OR1D2: variants seen among roughly 807,000 people sequenced by gnomAD.
OR1D2 encodes the protein olfactory receptor 1D2.
For synonymous variants in OR1D2, 157 were observed against 153.9 expected, an observed-to-expected ratio of 1.02 and a Z score of -0.15; for missense variants, 357 against 376.1, an observed-to-expected ratio of 0.95 and a Z score of 0.42.
chr17:3,093,125 A>G (rs2047826136), intron 1 of OR1D2, 79 bp from the exon 2 acceptor site: 10 of 861,176 alleles, frequency 1.2e-5, no homozygotes, highest in Non-Finnish European at 1.8e-5. Flanking sequence ...CAATTTTATA[A>G]TTTTTGAAAA....
At chr17:3,101,732 C>A (rs1371404278) in intron 1 of OR1D2, among the ~76,000 whole-genome samples, 1 of 152,130 alleles carries the variant, frequency 6.6e-6, no homozygotes, top group East Asian at 1.9e-4. Context: ...GTCGAATTGT[C>A]TGTTTGCTGA....
chr17:3,092,322 G>A lies in OR1D2; in HGVS notation c.675C>T (p.Ile225=). 1 of 1,614,214 alleles carries A rather than the reference G, an allele frequency of 6.2e-7. No homozygotes were observed. Among genetic ancestry groups the A allele is most frequent in the Non-Finnish European group, 8.5e-7 (1 of 1,180,046 alleles). The change falls in exon 2 of 2, where the codon ATC becomes ATT. Residue 225 remains isoleucine, a synonymous_variant. Coordinates refer to ENST00000641833, the MANE Select transcript of OR1D2 (RefSeq NM_002548.3). ...TCTTAGAGACTGAGGGTATTCTGAG[G>A]ATGGCTCTGATAATCAGCACATAGG... ...IISYVLIIRA[I]LRIPSVSKKY... is the part of the protein sequence containing the mutation.
rs764544852 is a variant in OR1D2, at chr17:3,092,823, G to A, written c.174C>T (p.Pro58=). 39 of 1,613,920 alleles carry A rather than the reference G, an allele frequency of 2.4e-5. No individual in the cohort carries two copies. The highest frequency in any genetic ancestry group is 3.3e-5 in the Admixed American group (2 of 60,000). The change falls in exon 2 of 2, where the codon CCC becomes CCT. Residue 58 remains proline, a synonymous_variant. Coordinates refer to ENST00000641833, the MANE Select transcript of OR1D2 (RefSeq NM_002548.3). Reference sequence around the variant, plus strand: ...AGAGGTTGGCCAGGAAGAAGTACACGGGGGTGTGCAGGCGGGAATCAGAGC... The same window carrying A: ...AGAGGTTGGCCAGGAAGAAGTACACAGGGGTGTGCAGGCGGGAATCAGAGC... ...AISSDSRLHT[P]VYFFLANLSF...
intron 1 of OR1D2, among the ~76,000 whole-genome samples, chr17:3,103,023 G>C (rs1187594627): frequency 6.6e-6 from 1 of 152,128 alleles, no homozygotes; most frequent in African/African-American, 2.4e-5. Context: ...TGGTGCAACT[G>C]CAGGGGAGAC....
chr17:3,101,725 G>A (rs148602102), intron 1 of OR1D2, among the ~76,000 whole-genome samples: 2,238 of 152,234 alleles, frequency 0.015, 54 homozygotes, highest in African/African-American at 0.051. Flanking sequence ...AGAGGAAGTC[G>A]AATTGTCTGT....
At chr17:3,094,046 A>G (rs531650434) in intron 1 of OR1D2, among the ~76,000 whole-genome samples, 2 of 152,350 alleles carry the variant, frequency 1.3e-5, no homozygotes, top group East Asian at 3.9e-4. Flanking sequence ...TAAGAATTCT[A>G]AAGCAATATG....
chr17:3,093,103 A>C, intron 1 of OR1D2, 57 bp from the exon 2 acceptor site: 1 of 1,025,040 alleles, frequency 9.8e-7, no homozygotes, highest in African/African-American at 1.6e-5. Context: ...AGAATTAAGA[A>C]TGTCTTACAC....
At chr17:3,099,181 C>T (rs909042366) in intron 1 of OR1D2, among the ~76,000 whole-genome samples, 5 of 152,018 alleles carry the variant, frequency 3.3e-5, no homozygotes, top group African/African-American at 1.2e-4. Flanking sequence ...CAGAGAACAC[C>T]ACTAAAATAC....
rs553592073 is a variant in OR1D2 at position 3,088,792 on chromosome 17, C to A, written c.*3266G>T. Reference sequence around the variant, plus strand: ...GGCCCAGGGCGTGGTGACAGGCTGTCTGCCTTTAGATTTCATTTCTGCCTT... The same window carrying A: ...GGCCCAGGGCGTGGTGACAGGCTGTATGCCTTTAGATTTCATTTCTGCCTT... On this transcript the variant is annotated 3_prime_UTR_variant, in exon 2 of 2. Coordinates refer to ENST00000641833, the MANE Select transcript of OR1D2 (RefSeq NM_002548.3). The A allele has an allele frequency of 6.6e-6, 1 of 152,164 alleles. No homozygotes were observed. The highest frequency in any genetic ancestry group is 2.4e-5 in the African/African-American group (1 of 41,432). 9.4% of individuals were successfully genotyped at this position (152,164 alleles called of 1,614,324 possible).
At position 3,092,860 on chromosome 17, in the gene OR1D2, A is replaced by T; in HGVS notation, c.137T>A (p.Ile46Asn). 1 of 1,614,090 alleles carries T rather than the reference A, an allele frequency of 6.2e-7. No individual in the cohort carries two copies. The highest frequency in any genetic ancestry group is 8.5e-7 in the Non-Finnish European group (1 of 1,180,020). ...GCGGGAATCAGAGCTGATGGCCAGG[A>T]TGATGAGCACATTTCCCACCACCGT... ...LVTVVGNVLI[I>N]LAISSDSRLH... The change falls in exon 2 of 2, where the codon ATC becomes AAC. Residue 46 changes from isoleucine (I) to asparagine (N), a missense_variant. Transcript: ENST00000641833.
chr17:3,096,847 A>G (rs1053436906), intron 1 of OR1D2, among the ~76,000 whole-genome samples: 1 of 152,242 alleles, frequency 6.6e-6, no homozygotes, highest in Non-Finnish European at 1.5e-5. Context: ...TTTGATCCAC[A>G]CTGTAAATTA....
chr17:3,090,270 A>G lies in OR1D2; in HGVS notation c.*1788T>C, dbSNP rs532822123. On this transcript the variant is annotated 3_prime_UTR_variant, in exon 2 of 2. Transcript: ENST00000641833. ...CTTTTGAGTTTTTTAAAGTTTAGTC[A>G]TTGTATTATTTAGCTCCAGAATTAC... 1.3e-5 allele frequency: 2 copies of G among 152,060 alleles called. No homozygotes were observed. The highest frequency in any genetic ancestry group is 6.5e-5 in the Admixed American group (1 of 15,298). The allele number at this position is 152,060 out of a possible 1,614,324, so 9.4% of individuals were successfully genotyped here.
rs1261212154 is a variant in OR1D2 at position 3,088,926 on chromosome 17, C to G, written c.*3132G>C. On this transcript the variant is annotated 3_prime_UTR_variant, in exon 2 of 2. Coordinates refer to ENST00000641833, the MANE Select transcript of OR1D2 (RefSeq NM_002548.3). Reference sequence around the variant, plus strand: ...TTAATTTAAGTTGAACTTCACCTTTCTCGGGCACCTCCTTGATTAGCTTAA... The same window carrying G: ...TTAATTTAAGTTGAACTTCACCTTTGTCGGGCACCTCCTTGATTAGCTTAA... 1 of 150,862 alleles carries G rather than the reference C, an allele frequency of 6.6e-6. No homozygotes were observed. The highest frequency in any genetic ancestry group is 2.4e-5 in the African/African-American group (1 of 40,832). 9.3% of individuals were successfully genotyped at this position (150,862 alleles called of 1,614,324 possible).
chr17:3,102,248 C>A (rs2047878005), intron 1 of OR1D2, among the ~76,000 whole-genome samples: 1 of 151,942 alleles, frequency 6.6e-6, no homozygotes. Context: ...ATTTGGAGTG[C>A]CAGATTTGGG....
chr17:3,103,498 T>C (rs1010863560), intron 1 of OR1D2, among the ~76,000 whole-genome samples: 1 of 152,192 alleles, frequency 6.6e-6, no homozygotes, highest in African/African-American at 2.4e-5. Flanking sequence ...AAAGCTGACT[T>C]TCTGACTTTC....
intron 1 of OR1D2, 78 bp from the exon 2 acceptor site, chr17:3,093,124 A>T (rs2047826118): frequency 1.2e-6 from 1 of 858,120 alleles, no homozygotes; most frequent in Non-Finnish European, 1.8e-6. Context: ...CCAATTTTAT[A>T]ATTTTTGAAA....
rs1314262433 is a variant in OR1D2 at position 3,092,520 on chromosome 17, G to A, written c.477C>T (p.His159=). 1.9e-6 allele frequency: 3 copies of A among 1,614,182 alleles called. No individual in the cohort carries two copies. Among genetic ancestry groups the A allele is most frequent in the African/African-American group, 1.3e-5 (1 of 75,044 alleles). ...AGGTCACTCTGGTCATGAGGAGGGT[G>A]TGTATGAGGCCATAGAGGACGGATA... ...WVLSVLYGLI[H]TLLMTRVTFC... is the part of the protein sequence containing the mutation. Residue 159 remains histidine (H), a synonymous_variant, in exon 2 of 2, where the codon CAC becomes CAT. Transcript: ENST00000641833.
chr17:3,092,306 C>CT lies in OR1D2; in HGVS notation c.690dup (p.Val231SerfsTer3). 8 of 1,614,134 alleles carry CT rather than the reference C, an allele frequency of 5.0e-6. No homozygotes were observed. Among genetic ancestry groups the CT allele is most frequent in the South Asian group, 1.1e-5 (1 of 91,084 alleles). On this transcript the variant is annotated frameshift_variant, in exon 2 of 2. Coordinates refer to ENST00000641833, the MANE Select transcript of OR1D2 (RefSeq NM_002548.3). LOFTEE classifies it low-confidence loss of function (END_TRUNC). ...GAGAAGGCTTTGTATTTCTTAGAGA[C>CT]TGAGGGTATTCTGAGGATGGCTCTG...
chr17:3,089,528 G>C lies in OR1D2; in HGVS notation c.*2530C>G, dbSNP rs1322182198. On this transcript the variant is annotated 3_prime_UTR_variant, in exon 2 of 2. Transcript: ENST00000641833. Reference sequence around the variant, plus strand: ...GCACCAGCTGTGGTAGCATAGGGGGGATACAAACTTGCCCTAAGGTGGCCT... The same window carrying C: ...GCACCAGCTGTGGTAGCATAGGGGGCATACAAACTTGCCCTAAGGTGGCCT... 1 of 152,286 alleles carries C rather than the reference G, an allele frequency of 6.6e-6. No individual in the cohort carries two copies. Among genetic ancestry groups the C allele is most frequent in the Non-Finnish European group, 1.5e-5 (1 of 68,122 alleles). 9.4% of individuals were successfully genotyped at this position (152,286 alleles called of 1,614,324 possible).
Sources: gnomAD v4.1 joint callset for allele counts (sites outside exome capture counted in the v4.1 genomes callset) on GRCh38, gnomAD v4.1.1 for gene constraint, MANE v1.5 for transcripts, NCBI Gene and HGNC (gene_info 2026-07-23, HGNC 2026-07-21) for gene names.